SPTBN2: variants seen among roughly 807,000 people sequenced by gnomAD.
The protein encoded by SPTBN2 is spectrin beta chain, non-erythrocytic 2.
Under a neutral mutation model 284.2 loss-of-function variants are expected in SPTBN2, and 107 were observed. The observed-to-expected ratio is 0.38, with a 90% CI of 0.32 to 0.44. The LOEUF (loss-of-function observed/expected upper bound fraction) is 0.44. SPTBN2 is among the 20% of genes least tolerant of loss of function. SPTBN2 has a pLI of 1.00. For missense variants in SPTBN2, 2,569 were observed against 3,287.1 expected (o/e 0.78, Z 5.34); for synonymous variants, 1,289 against 1,354.8 (o/e 0.95, Z 1.07).
rs774660690 is a variant in SPTBN2 at position 66,701,116 on chromosome 11, G to A, written c.2983C>T (p.Leu995=). ...CCGGCCAGCTTGCGCTGCAGGGCCAGCACCCCAGCCAGATCGTTGCCTAGG... is the reference window on the plus strand; with the variant it reads ...CCGGCCAGCTTGCGCTGCAGGGCCAACACCCCAGCCAGATCGTTGCCTAGG... The part of the protein sequence containing the change: ...QGLGNDLAGV[L]ALQRKLAGTE... The change falls in exon 17 of 38, where the codon CTG becomes TTG. Residue 995 remains leucine (L), a synonymous_variant. Coordinates refer to ENST00000533211, the MANE Select transcript of SPTBN2 (RefSeq NM_006946.4). 6.2e-7 allele frequency: 1 copy of A among 1,613,044 alleles called. No individual in the cohort carries two copies. Among genetic ancestry groups the A allele is most frequent in the Admixed American group, 1.7e-5 (1 of 60,032 alleles).
At chr11:66,701,856 C>G in intron 15 of SPTBN2, 135 bp from the exon 16 acceptor site, 1 of 1,262,842 alleles carries the variant, frequency 7.9e-7, no homozygotes. Context: ...CTCTCTGCCT[C>G]TCAGCCTATG....
At chr11:66,692,033 C>T (rs925121007) in intron 26 of SPTBN2, among the ~76,000 whole-genome samples, 15 of 152,106 alleles carry the variant, frequency 9.9e-5, no homozygotes, top group African/African-American at 3.4e-4. Flanking sequence ...TTCCTGTTTG[C>T]CCTTGTCTCA....
intron 1 of SPTBN2, among the ~76,000 whole-genome samples, chr11:66,737,211 A>C (rs886793535): frequency 1.3e-5 from 2 of 152,038 alleles, no homozygotes; most frequent in Non-Finnish European, 2.9e-5. Flanking sequence ...ATAAAATGTT[A>C]AAGGGGGAGA....
intron 1 of SPTBN2, among the ~76,000 whole-genome samples, chr11:66,742,254 A>C (rs1942900368): frequency 6.6e-6 from 1 of 152,254 alleles, no homozygotes. Flanking sequence ...CTTAGCACAG[A>C]GTGGATTCTC....
rs772427786 is a variant in SPTBN2 at position 66,715,898 on chromosome 11, G to T, written c.241C>A (p.Leu81Met). 2 of 1,613,954 alleles carry T rather than the reference G, an allele frequency of 1.2e-6. No individual in the cohort carries two copies. The highest frequency in any genetic ancestry group is 1.7e-6 in the Non-Finnish European group (2 of 1,179,976). ...LARVTCRVGD[L>M]YSDLRDGRNL... is the part of the protein sequence containing the mutation. ...CGTCCGTCCCGGAGGTCGCTGTACA[G>T]GTCCCCCACCCGGCACGTGACCCGG... is the stretch of plus-strand genomic sequence containing the variant. Residue 81 changes from leucine to methionine, a missense_variant, in exon 4 of 38, where the codon CTG (leucine) becomes ATG (methionine). Leu to Met is a conservative substitution (Grantham distance 15). Transcript: ENST00000533211. This position sits in a 1 kb window ranked among gnomAD's most constrained non-coding sequence, Gnocchi z 5.3.
At chr11:66,736,988 C>G (rs1029224976) in intron 1 of SPTBN2, among the ~76,000 whole-genome samples, 1 of 152,196 alleles carries the variant, frequency 6.6e-6, no homozygotes, top group African/African-American at 2.4e-5. Flanking sequence ...TTTAACTTCT[C>G]TAAGCATGAG....
upstream of SPTBN2, among the ~76,000 whole-genome samples, chr11:66,730,965 T>C (rs1942803739): frequency 6.6e-6 from 1 of 152,136 alleles, no homozygotes; most frequent in East Asian, 1.9e-4. Context: ...AGCAGAATGG[T>C]TAAAAGCATT....
chr11:66,687,740 GC>G lies in SPTBN2; in HGVS notation c.6502-94del, dbSNP rs1173702289. 3.2e-6 allele frequency: 5 copies of G among 1,581,572 alleles called. No homozygotes were observed. The highest frequency in any genetic ancestry group is 4.3e-6 in the Non-Finnish European group (5 of 1,154,466). On this transcript the variant is annotated intron_variant, in intron 34 of 37. Transcript: ENST00000533211. This position sits in a 1 kb window ranked among gnomAD's most constrained non-coding sequence, Gnocchi z 5.2. The stretch of plus-strand genomic sequence containing the variant: ...TCCGTGTCCAGGAGTTGGTCTTCCT[GC>G]CCCCAAGCTGCCTGTGAGCCTCTGC...
Position 66,691,331 on chromosome 11 carries a change from G to A in SPTBN2, c.5518C>T (p.Arg1840Cys), listed in dbSNP as rs1590916625. 1.3e-6 allele frequency: 2 copies of A among 1,555,740 alleles called. No individual in the cohort carries two copies. The highest frequency in any genetic ancestry group is 1.7e-6 in the Non-Finnish European group (2 of 1,147,030). ...TCATGCTCGTAGGCACAGTGTCGGCGCTGCAGGGCCTCGGCAGCGTTGAGG... is the reference window on the plus strand; with the variant it reads ...TCATGCTCGTAGGCACAGTGTCGGCACTGCAGGGCCTCGGCAGCGTTGAGG... ...RDLNAAEALQ[R>C]RHCAYEHDIQ... The change falls in exon 27 of 38, where the codon CGC becomes TGC. Residue 1840 changes from arginine (R) to cysteine (C), a missense_variant. Physicochemically the swap from Arg to Cys is radical, Grantham distance 180 (BLOSUM62 -3). Around this residue, in one of 6 missense-constraint regions of SPTBN2, gnomAD observed 1,130 missense variants for 1,317.3 expected, o/e 0.86. Coordinates refer to ENST00000533211, the MANE Select transcript of SPTBN2 (RefSeq NM_006946.4). The surrounding 1 kb of genome is among the most constrained non-coding windows in gnomAD (Gnocchi z 8.0).
chr11:66,719,934 CAG>C, intron 3 of SPTBN2, among the ~76,000 whole-genome samples: 1 of 152,244 alleles, frequency 6.6e-6, no homozygotes. Flanking sequence ...ACCAGAAGGA[CAG>C]AGAGGCCCAG....
chr11:66,708,010 A>G lies in SPTBN2; in HGVS notation c.1350+131T>C, dbSNP rs1326884927. On this transcript the variant is annotated intron_variant, in intron 12 of 37. Coordinates refer to ENST00000533211, the MANE Select transcript of SPTBN2 (RefSeq NM_006946.4). The surrounding 1 kb of genome is among the most constrained non-coding windows in gnomAD (Gnocchi z 4.4). Reference sequence around the variant, plus strand: ...CCACCCTCTGGCCCCTGGCTCCCGGACCTCTAGGCCTTTTTACCCAGGTGA... The same window carrying G: ...CCACCCTCTGGCCCCTGGCTCCCGGGCCTCTAGGCCTTTTTACCCAGGTGA... 24 of 1,480,792 alleles carry G rather than the reference A, an allele frequency of 1.6e-5. No individual in the cohort carries two copies. The highest frequency in any genetic ancestry group is 2.1e-5 in the Non-Finnish European group (23 of 1,072,574). 91.7% of individuals were successfully genotyped at this position (1,480,792 alleles called of 1,614,324 possible). A position where few individuals can be genotyped will look rare whatever the true frequency, so the allele number is the denominator to read the frequency against.
In SPTBN2 at chr11:66,715,737, G is replaced by A; in HGVS notation, c.309+93C>T. On this transcript the variant is annotated intron_variant, in intron 4 of 37. Transcript: ENST00000533211. This position sits in a 1 kb window ranked among gnomAD's most constrained non-coding sequence, Gnocchi z 5.3. ...AGAGGGAGCCACTGCTTCCCGCCCTGTGCCGTCACTCTCTCTGAGGGCTGT... is the reference window on the plus strand; with the variant it reads ...AGAGGGAGCCACTGCTTCCCGCCCTATGCCGTCACTCTCTCTGAGGGCTGT... 1 of 1,539,506 alleles carries A rather than the reference G, an allele frequency of 6.5e-7. No individual in the cohort carries two copies.
chr11:66,686,906 A>C, intron 36 of SPTBN2, 88 bp downstream of exon 36: 14 of 1,551,904 alleles, frequency 9.0e-6, no homozygotes, highest in Non-Finnish European at 1.1e-5. Flanking sequence ...CCTTACAGGA[A>C]CTCCCCTCCC....
At chr11:66,730,365 C>T (rs187342697), upstream of SPTBN2, among the ~76,000 whole-genome samples, 936 of 151,534 alleles carry the variant, frequency 6.2e-3, 4 homozygotes, top group Non-Finnish European at 8.7e-3. Context: ...AGGTGGATCG[C>T]GAGGTCAGGA....
At chr11:66,698,942 G>A (rs773461108) in intron 19 of SPTBN2, 50 bp downstream of exon 19, 2 of 1,609,952 alleles carry the variant, frequency 1.2e-6, no homozygotes, top group South Asian at 1.1e-5. Context: ...CTAGGCTCAA[G>A]GTGAGAAAGG....
In SPTBN2 at chr11:66,708,868, C is replaced by G. The variant is rs575184305; in HGVS notation, c.1191+34G>C. 9.4e-6 allele frequency: 15 copies of G among 1,588,434 alleles called. No individual in the cohort carries two copies. Among genetic ancestry groups the G allele is most frequent in the Non-Finnish European group, 7.8e-6 (9 of 1,157,372 alleles). On this transcript the variant is annotated intron_variant, in intron 11 of 37. Transcript: ENST00000533211. This position sits in a 1 kb window ranked among gnomAD's most constrained non-coding sequence, Gnocchi z 4.4. ...GCAAGGCATCTGGGCCAGGGCCTGCCCTGAGGGTGGGTGGCCTGTGGGCAG... is the reference window on the plus strand; with the variant it reads ...GCAAGGCATCTGGGCCAGGGCCTGCGCTGAGGGTGGGTGGCCTGTGGGCAG...
chr11:66,689,681 G>T, intron 29 of SPTBN2, 124 bp downstream of exon 29: 2 of 1,431,038 alleles, frequency 1.4e-6, no homozygotes, highest in Non-Finnish European at 9.7e-7. Flanking sequence ...CCCGTGAATG[G>T]CACTGAGGGG....
chr11:66,691,198 T>C lies in SPTBN2; in HGVS notation c.5565+86A>G. ...TGCCGTCCTCCCAGCATTTCTGAGCTCTACCCTAGCTCCTGGGAACTCTCC... is the reference window on the plus strand; with the variant it reads ...TGCCGTCCTCCCAGCATTTCTGAGCCCTACCCTAGCTCCTGGGAACTCTCC... On this transcript the variant is annotated intron_variant, in intron 27 of 37. Coordinates refer to ENST00000533211, the MANE Select transcript of SPTBN2 (RefSeq NM_006946.4). This position sits in a 1 kb window ranked among gnomAD's most constrained non-coding sequence, Gnocchi z 8.0. The C allele has an allele frequency of 6.8e-7, 1 of 1,469,206 alleles. No homozygotes were observed. The highest frequency in any genetic ancestry group is 1.6e-5 in the South Asian group (1 of 64,368). 91.0% of individuals were successfully genotyped at this position (1,469,206 alleles called of 1,614,324 possible).
At chr11:66,726,439 A>G (rs576211252) in intron 1 of SPTBN2, among the ~76,000 whole-genome samples, 1 of 152,328 alleles carries the variant, frequency 6.6e-6, no homozygotes, top group Admixed American at 6.5e-5. Context: ...ACTGAAGCTA[A>G]TGGTCTGGGG....
Sources: allele counts gnomAD v4.1 joint callset (sites outside exome capture counted in the v4.1 genomes callset), GRCh38; gene constraint gnomAD v4.1.1; regional missense constraint gnomAD v4.1.1; non-coding constraint Gnocchi (gnomAD v3.1); transcripts MANE v1.5; gene names NCBI Gene and HGNC (gene_info 2026-07-23, HGNC 2026-07-21).